The following MED12L variants were observed in gnomAD, a reference collection of about 807,000 sequenced individuals.
MED12L encodes the protein mediator complex subunit 12L.
Under a neutral mutation model 281.3 loss-of-function variants are expected in MED12L, and 60 were observed. That is an observed-to-expected ratio of 0.21 (90% CI 0.17 to 0.26). MED12L has a LOEUF of 0.26. Among genes scored for constraint, MED12L ranks in the 10% least tolerant of loss-of-function variants. The pLI is 1.00. For missense variants in MED12L, 2,146 were observed against 2,680.9 expected, an observed-to-expected ratio of 0.80 and a Z score of 4.41; for synonymous variants, 974 against 987.2, an observed-to-expected ratio of 0.99 and a Z score of 0.25.
intron 16 of MED12L, among the ~76,000 whole-genome samples, chr3:151,298,085 C>T (rs1010228166): frequency 2.6e-5 from 4 of 152,068 alleles, no homozygotes; most frequent in Non-Finnish European, 5.9e-5. Flanking sequence ...TTGAGAGTTT[C>T]GTGTGATTAA....
intron 2 of MED12L, among the ~76,000 whole-genome samples, chr3:151,110,004 G>C (rs760053112): frequency 1.6e-4 from 24 of 152,260 alleles, no homozygotes; most frequent in Admixed American, 6.5e-4. Flanking sequence ...TCTATTATAA[G>C]AACTGTTGGC....
chr3:151,432,887 A>T lies in MED12L; in HGVS notation c.*83A>T. 1 of 1,017,344 alleles carries T rather than the reference A, an allele frequency of 9.8e-7. No homozygotes were observed. The highest frequency in any genetic ancestry group is 1.6e-5 in the South Asian group (1 of 60,698). The allele number at this position is 1,017,344 out of a possible 1,614,324, so 63.0% of individuals were successfully genotyped here. A position where few individuals can be genotyped will look rare whatever the true frequency, so the allele number is the denominator to read the frequency against. On this transcript the variant is annotated 3_prime_UTR_variant, in exon 45 of 45. Transcript: ENST00000687756. ...ATTTAATGCATTAGTCATCTTAAAA[A>T]TGTCCCTTTTTTTCATTTCTTTGAC...
At chr3:151,275,057 G>A (rs1411073918) in intron 16 of MED12L, among the ~76,000 whole-genome samples, 2 of 152,276 alleles carry the variant, frequency 1.3e-5, no homozygotes, top group Admixed American at 6.5e-5. Context: ...TCAGCAACAG[G>A]TGAGTTCTTT....
At chr3:151,424,497 T>C (rs1718629598) in intron 43 of MED12L, among the ~76,000 whole-genome samples, 1 of 152,090 alleles carries the variant, frequency 6.6e-6, no homozygotes, top group Non-Finnish European at 1.5e-5. Context: ...TGGGCGCTGG[T>C]AGTCCCAGCT....
chr3:151,227,840 A>C (rs989196294), intron 16 of MED12L, among the ~76,000 whole-genome samples: 1 of 152,054 alleles, frequency 6.6e-6, no homozygotes, highest in African/African-American at 2.4e-5. Context: ...TTTCGGTTTC[A>C]GTTCTTTGTG....
intron 16 of MED12L, among the ~76,000 whole-genome samples, chr3:151,224,615 G>T (rs2149286720): frequency 1.3e-5 from 2 of 152,162 alleles, no homozygotes; most frequent in Middle Eastern, 6.8e-3. Flanking sequence ...CCCTCTCTAG[G>T]CTCAGTCAAG....
In MED12L at chr3:151,199,330, A is replaced by G. The variant is rs34426089; in HGVS notation, c.2250+5664A>G. ...CAACAAGGAAAACTAAATAAAAAAA[A>G]TACGTGAATGGCTCCAGATCTTTAT... On this transcript the variant is annotated intron_variant, in intron 16 of 44. Transcript: ENST00000687756. 534 of 1,613,596 alleles carry G rather than the reference A, an allele frequency of 3.3e-4. 2 individuals are homozygous for G. The African/African-American group carries it at 6.5e-3, about 20-fold the overall frequency.
intron 11 of MED12L, among the ~76,000 whole-genome samples, chr3:151,171,873 G>T (rs996918263): frequency 6.6e-6 from 1 of 152,118 alleles, no homozygotes; most frequent in African/African-American, 2.4e-5. Flanking sequence ...TTTCCCTGGG[G>T]TCTATGTTTC....
chr3:151,267,584 AC>A (rs1411017016), intron 16 of MED12L, among the ~76,000 whole-genome samples: 2 of 152,184 alleles, frequency 1.3e-5, no homozygotes, highest in African/African-American at 4.8e-5. Flanking sequence ...TGAATTTAAA[AC>A]ATTTTTTTAA....
chr3:151,141,278 T>C (rs995923177), intron 5 of MED12L, among the ~76,000 whole-genome samples: 1 of 150,210 alleles, frequency 6.7e-6, no homozygotes, highest in African/African-American at 2.5e-5. Flanking sequence ...TGCTTTGACC[T>C]CCAAAAGTGC....
intron 11 of MED12L, among the ~76,000 whole-genome samples, chr3:151,167,860 G>C (rs1190323463): frequency 6.6e-6 from 1 of 152,156 alleles, no homozygotes. Flanking sequence ...GAGTTATCTG[G>C]AAGGAAAGTA....
intron 16 of MED12L, chr3:151,338,188 A>T: frequency 1.2e-6 from 2 of 1,614,096 alleles, no homozygotes; most frequent in African/African-American, 2.7e-5. Context: ...GTTCTTACGT[A>T]TGACCGGTAC....
chr3:151,330,799 C>G (rs1164548991), intron 16 of MED12L, among the ~76,000 whole-genome samples: 1 of 152,104 alleles, frequency 6.6e-6, no homozygotes. Flanking sequence ...ATAAATTAAT[C>G]CTTGGGAGTA....
intron 16 of MED12L, among the ~76,000 whole-genome samples, chr3:151,332,534 T>C (rs896950139): frequency 6.6e-6 from 1 of 152,236 alleles, no homozygotes; most frequent in Admixed American, 6.5e-5. Context: ...AATATCTACA[T>C]GTAGCTAGAG....
At chr3:151,390,496 A>C (rs1286512595) in intron 38 of MED12L, among the ~76,000 whole-genome samples, 3 of 152,190 alleles carry the variant, frequency 2.0e-5, no homozygotes, top group African/African-American at 7.2e-5. Context: ...AGTGTCTTTT[A>C]TTGTTCTGAA....
chr3:151,340,494 G>T (rs2149951793), intron 16 of MED12L: 1 of 152,592 alleles, frequency 6.6e-6, no homozygotes, highest in African/African-American at 2.4e-5. Flanking sequence ...TGCATTGATA[G>T]TTATTAAGGT....
chr3:151,200,533 A>G (rs67740545), intron 16 of MED12L, among the ~76,000 whole-genome samples: 14,614 of 152,306 alleles, frequency 0.096, 1,010 homozygotes, highest in African/African-American at 0.19. Flanking sequence ...CCTTTTAATA[A>G]GAGAATAAAA....
chr3:151,369,092 AAAGT>A (rs1469025271), intron 25 of MED12L, among the ~76,000 whole-genome samples: 6 of 152,196 alleles, frequency 3.9e-5, no homozygotes, highest in Non-Finnish European at 8.8e-5. Flanking sequence ...TAAAAGGAAT[AAAGT>A]AAGAATTTTA....
intron 16 of MED12L, chr3:151,198,995 G>T (rs142089629): frequency 3.0e-5 from 49 of 1,613,870 alleles, no homozygotes; most frequent in Non-Finnish European, 4.2e-5. Flanking sequence ...TATCATTTTG[G>T]CAAATCCGGG....
Sources: gnomAD v4.1 joint callset for allele counts (sites outside exome capture counted in the v4.1 genomes callset) on GRCh38, gnomAD v4.1.1 for gene constraint, MANE v1.5 for transcripts, NCBI Gene and HGNC (gene_info 2026-07-23, HGNC 2026-07-21) for gene names.